Variants in GABRB1 observed in about 807,000 individuals in gnomAD.
GABRB1 encodes gamma-aminobutyric acid receptor subunit beta-1.
In GABRB1, 17 loss-of-function variants were observed where a neutral mutation model predicts 51.6. That is an observed-to-expected ratio of 0.33 (90% CI 0.23 to 0.49). GABRB1 has a LOEUF of 0.49. GABRB1 is among the 20% of genes least tolerant of loss of function. GABRB1 has a pLI of 0.99. For missense variants in GABRB1, 410 were observed against 600.6 expected (o/e 0.68, Z 3.32); for synonymous variants, 247 against 218.9 (o/e 1.13, Z -1.14).
rs941196759 is a variant in GABRB1 at position 47,089,572 on chromosome 4, A to C, written c.240+57088A>C. The stretch of plus-strand genomic sequence containing the variant: ...TCTATTCATGTTTTAAAACCACATT[A>C]GGAGGATTTAAATAGGAGTTCTGAA... On this transcript the variant is annotated intron_variant, in intron 3 of 8. Coordinates refer to ENST00000295454, the MANE Select transcript of GABRB1 (RefSeq NM_000812.4). Among the ~76,000 whole-genome samples, 3 of 152,208 alleles carry C rather than the reference A, an allele frequency of 2.0e-5. 1 individual carries two copies. The South Asian group carries it at 6.2e-4, about 32-fold the overall frequency.
intron 4 of GABRB1, among the ~76,000 whole-genome samples, chr4:47,293,608 A>G (rs1246178930): frequency 6.6e-6 from 1 of 152,246 alleles, no homozygotes; most frequent in Non-Finnish European, 1.5e-5. Flanking sequence ...ATTATGAAAG[A>G]TTTGAACATT....
chr4:47,099,216 C>A (rs1324365940), intron 3 of GABRB1, among the ~76,000 whole-genome samples: 1 of 152,098 alleles, frequency 6.6e-6, no homozygotes, highest in Admixed American at 6.6e-5. Context: ...GGCATACATA[C>A]CCACATCAAG....
At chr4:47,377,094 A>G (rs1011000017) in intron 5 of GABRB1, among the ~76,000 whole-genome samples, 1 of 152,220 alleles carries the variant, frequency 6.6e-6, no homozygotes, top group African/African-American at 2.4e-5. Context: ...AAAGTTCATT[A>G]CAGTGCTTGA....
intron 5 of GABRB1, among the ~76,000 whole-genome samples, chr4:47,346,184 G>T (rs2109992577): frequency 6.6e-6 from 1 of 152,316 alleles, no homozygotes; most frequent in East Asian, 1.9e-4. Flanking sequence ...TCCTTCAGGA[G>T]AGTAAGGCAT....
intron 5 of GABRB1, among the ~76,000 whole-genome samples, chr4:47,347,283 G>GATA (rs1000146668): frequency 2.7e-3 from 401 of 151,310 alleles, no homozygotes; most frequent in Middle Eastern, 0.01. Context: ...CCATCTCACA[G>GATA]ATAATAATAA....
At chr4:47,125,476 T>C (rs558208870) in intron 3 of GABRB1, among the ~76,000 whole-genome samples, 38 of 151,760 alleles carry the variant, frequency 2.5e-4, no homozygotes, top group African/African-American at 8.9e-4. Context: ...TTATTTAAAC[T>C]TTAGTATAAA....
chr4:47,142,063 G>C (rs1336394856), intron 3 of GABRB1, among the ~76,000 whole-genome samples: 2 of 151,832 alleles, frequency 1.3e-5, no homozygotes, highest in Non-Finnish European at 2.9e-5. Context: ...ACACTACAGA[G>C]GGAAGATATT....
chr4:47,187,199 A>G (rs12502432), intron 4 of GABRB1, among the ~76,000 whole-genome samples: 130,708 of 151,768 alleles, frequency 0.86, 56,307 homozygotes, highest in Middle Eastern at 0.92. Context: ...GCAAGTTTAT[A>G]CTGAGAGATG....
intron 5 of GABRB1, among the ~76,000 whole-genome samples, chr4:47,349,718 G>GA (rs1726237110): frequency 1.3e-5 from 2 of 152,206 alleles, no homozygotes; most frequent in South Asian, 2.1e-4. Flanking sequence ...GCTCTGATCT[G>GA]AAAAAAATAC....
chr4:47,241,461 C>A (rs1272522875), intron 4 of GABRB1, among the ~76,000 whole-genome samples: 1 of 152,136 alleles, frequency 6.6e-6, no homozygotes, highest in African/African-American at 2.4e-5. Context: ...AGCAGCCTGG[C>A]ACACCATAGA....
intron 5 of GABRB1, among the ~76,000 whole-genome samples, chr4:47,320,831 G>A (rs1030257616): frequency 1.4e-5 from 2 of 144,814 alleles, no homozygotes; most frequent in African/African-American, 2.5e-5. Flanking sequence ...GTGTAGTGGC[G>A]CCATCTCCGC....
chr4:47,304,589 C>T (rs1724379576), intron 4 of GABRB1, among the ~76,000 whole-genome samples: 1 of 151,922 alleles, frequency 6.6e-6, no homozygotes, highest in Admixed American at 6.6e-5. Context: ...TGTCTATTAT[C>T]TCTGTTGATT....
At chr4:47,112,219 AC>A (rs1715245795) in intron 3 of GABRB1, among the ~76,000 whole-genome samples, 1 of 152,096 alleles carries the variant, frequency 6.6e-6, no homozygotes, top group African/African-American at 2.4e-5. Context: ...TTCTAAAATC[AC>A]AGCAAGATTG....
chr4:47,121,011 C>G (rs1715752901), intron 3 of GABRB1, among the ~76,000 whole-genome samples: 1 of 152,170 alleles, frequency 6.6e-6, no homozygotes, highest in South Asian at 2.1e-4. Context: ...GCTCTGAGCC[C>G]AGGACAGCAC....
At chr4:47,365,148 G>A (rs565133279) in intron 5 of GABRB1, among the ~76,000 whole-genome samples, 9 of 152,292 alleles carry the variant, frequency 5.9e-5, no homozygotes, top group African/African-American at 1.7e-4. Flanking sequence ...TCCGGTCCCT[G>A]TATGGAGGTC....
intron 4 of GABRB1, among the ~76,000 whole-genome samples, chr4:47,265,760 A>G (rs1722620690): frequency 1.3e-5 from 2 of 152,086 alleles, no homozygotes; most frequent in Admixed American, 6.5e-5. Flanking sequence ...ATGTCTGCTC[A>G]TGTCCTTTGC....
intron 3 of GABRB1, among the ~76,000 whole-genome samples, chr4:47,070,199 C>G (rs939364687): frequency 1.3e-5 from 2 of 152,008 alleles, no homozygotes; most frequent in African/African-American, 4.8e-5. Flanking sequence ...CCATGCCCAG[C>G]TAATTTTTGT....
intron 5 of GABRB1, among the ~76,000 whole-genome samples, chr4:47,332,257 T>C (rs1049457152): frequency 1.3e-5 from 2 of 152,228 alleles, no homozygotes; most frequent in Non-Finnish European, 2.9e-5. Flanking sequence ...TGGCTACCAA[T>C]ACTATTCCCC....
At chr4:47,234,588 T>G in intron 4 of GABRB1, among the ~76,000 whole-genome samples, 1 of 152,180 alleles carries the variant, frequency 6.6e-6, no homozygotes, top group East Asian at 1.9e-4. Flanking sequence ...CCCCATTTTC[T>G]ACTTCGTTTA....
Sources: gnomAD v4.1 joint callset for allele counts (sites outside exome capture counted in the v4.1 genomes callset) on GRCh38, gnomAD v4.1.1 for gene constraint, MANE v1.5 for transcripts, NCBI Gene and HGNC (gene_info 2026-07-23, HGNC 2026-07-21) for gene names.